Variants in RNF13 observed in about 807,000 individuals in gnomAD.
RNF13 encodes ring finger protein 13, also known as E3 ubiquitin-protein ligase RNF13.
In RNF13, 19 loss-of-function variants were observed where a neutral mutation model predicts 37.7. The observed-to-expected ratio is 0.50, with a 90% CI of 0.35 to 0.74. The LOEUF is 0.74. RNF13 is among the 30% of genes least tolerant of loss of function. RNF13 has a pLI of 0.01. For missense variants in RNF13, 375 were observed against 453.0 expected (o/e 0.83, Z 1.56); for synonymous variants, 144 against 157.8 (o/e 0.91, Z 0.65).
At chr3:149,865,149 T>G (rs577841623) in intron 3 of RNF13, among the ~76,000 whole-genome samples, 123 of 151,860 alleles carry the variant, frequency 8.1e-4, no homozygotes, top group Admixed American at 1.6e-3. Context: ...TGGAGTATAT[T>G]TCTCCTTAAC....
chr3:149,867,842 A>G, intron 3 of RNF13, among the ~76,000 whole-genome samples: 1 of 151,554 alleles, frequency 6.6e-6, no homozygotes, highest in East Asian at 1.9e-4. Flanking sequence ...TTTGTATTGT[A>G]ATTTTTCTCT....
intron 8 of RNF13, among the ~76,000 whole-genome samples, chr3:149,948,848 G>C (rs1265883209): frequency 6.6e-6 from 1 of 152,162 alleles, no homozygotes; most frequent in Non-Finnish European, 1.5e-5. Flanking sequence ...GCAAAATGGT[G>C]AAACCTCATC....
At position 149,961,993 on chromosome 3, in the gene RNF13, A is replaced by G. The variant is rs928673999; in HGVS notation, c.*889A>G. 2 of 152,660 alleles carry G rather than the reference A, an allele frequency of 1.3e-5. No homozygotes were observed. Among genetic ancestry groups the G allele is most frequent in the Non-Finnish European group, 2.9e-5 (2 of 68,028 alleles). 9.5% of individuals were successfully genotyped at this position (152,660 alleles called of 1,614,324 possible). ...AACTAATGATGTATTGAAACACTGTATTATGAAAAGCTAAATTATACATCA... is the reference window on the plus strand; with the variant it reads ...AACTAATGATGTATTGAAACACTGTGTTATGAAAAGCTAAATTATACATCA... On this transcript the variant is annotated 3_prime_UTR_variant, in exon 10 of 10. Transcript: ENST00000392894.
At chr3:149,938,487 ATT>A (rs112240963) in intron 8 of RNF13, among the ~76,000 whole-genome samples, 14 of 139,420 alleles carry the variant, frequency 1.0e-4, no homozygotes, top group East Asian at 2.1e-4. Context: ...TGTTATTATT[ATT>A]TTTTTTTTTT....
chr3:149,882,393 GTTTAC>G (rs761956680), intron 4 of RNF13, among the ~76,000 whole-genome samples: 24 of 152,200 alleles, frequency 1.6e-4, no homozygotes, highest in Non-Finnish European at 2.9e-4. Context: ...CTTAGTTGCA[GTTTAC>G]TTTAAACAAC....
intron 3 of RNF13, among the ~76,000 whole-genome samples, chr3:149,853,254 A>G (rs1359459575): frequency 6.6e-6 from 1 of 152,118 alleles, no homozygotes; most frequent in Non-Finnish European, 1.5e-5. Flanking sequence ...TGTGGCATGA[A>G]TGTTTAAAGT....
At chr3:149,878,018 A>C (rs1439462121) in intron 4 of RNF13, among the ~76,000 whole-genome samples, 1 of 152,230 alleles carries the variant, frequency 6.6e-6, no homozygotes, top group Non-Finnish European at 1.5e-5. Flanking sequence ...CCAGGAAGGT[A>C]ATCTTTCATG....
chr3:149,894,181 A>C (rs1352125339), intron 4 of RNF13, among the ~76,000 whole-genome samples: 1 of 152,146 alleles, frequency 6.6e-6, no homozygotes, highest in African/African-American at 2.4e-5. Flanking sequence ...GTAATAGGAT[A>C]ATATTATTCT....
rs1717928624 is a variant in RNF13 at position 149,919,736 on chromosome 3, A to T, written c.607-1398A>T. ...ATTTGTTGTATGGAAATATGCTTTC[A>T]TTTCTATTGGGTAAGTATATCTAGG... On this transcript the variant is annotated intron_variant, in intron 7 of 9. Coordinates refer to ENST00000392894, the MANE Select transcript of RNF13 (RefSeq NM_183381.3). Among the ~76,000 whole-genome samples the T allele has an allele frequency of 2.0e-5, 3 of 152,182 alleles. 1 individual carries two copies. In the South Asian group the frequency reaches 6.2e-4, roughly 32 times the overall value.
chr3:149,917,726 T>G (rs1214028226), intron 7 of RNF13, among the ~76,000 whole-genome samples: 2 of 152,240 alleles, frequency 1.3e-5, no homozygotes, highest in African/African-American at 4.8e-5. Flanking sequence ...CTTTGGTTAT[T>G]TTCAAAAACC....
chr3:149,879,307 ATTT>A (rs3028508), intron 4 of RNF13, among the ~76,000 whole-genome samples: 1 of 137,404 alleles, frequency 7.3e-6, no homozygotes, highest in Non-Finnish European at 1.5e-5. Context: ...TTATCAGGTA[ATTT>A]TTTTTTTTTT....
chr3:149,897,595 C>T (rs1434828564), intron 5 of RNF13, among the ~76,000 whole-genome samples: 1 of 152,140 alleles, frequency 6.6e-6, no homozygotes, highest in Non-Finnish European at 1.5e-5. Flanking sequence ...TGGTTCTTGA[C>T]TTTGTTGCTT....
At chr3:149,816,154 C>A (rs1461314007) in intron 1 of RNF13, among the ~76,000 whole-genome samples, 1 of 151,442 alleles carries the variant, frequency 6.6e-6, no homozygotes, top group East Asian at 1.9e-4. Flanking sequence ...CCTGCTTCAG[C>A]CTTCCAAAAT....
chr3:149,934,656 C>A (rs1228017900), intron 8 of RNF13, among the ~76,000 whole-genome samples: 1 of 147,488 alleles, frequency 6.8e-6, no homozygotes, highest in African/African-American at 2.5e-5. Flanking sequence ...TTTCAAAGTT[C>A]CTTTTTTTTT....
At chr3:149,946,103 A>G (rs1362858083) in intron 8 of RNF13, among the ~76,000 whole-genome samples, 1 of 152,230 alleles carries the variant, frequency 6.6e-6, no homozygotes, top group East Asian at 1.9e-4. Context: ...AAGGCTTCAG[A>G]CGATCAAATT....
intron 9 of RNF13, 30 bp downstream of exon 9, chr3:149,960,166 T>C: frequency 7.3e-7 from 1 of 1,366,808 alleles, no homozygotes; most frequent in Non-Finnish European, 1.0e-6. Context: ...GCTTTGAATT[T>C]ACATATAGTA....
chr3:149,904,057 AC>A (rs1009946136), intron 6 of RNF13, among the ~76,000 whole-genome samples: 10 of 151,804 alleles, frequency 6.6e-5, no homozygotes, highest in Admixed American at 6.6e-4. Flanking sequence ...CACCTACTTT[AC>A]CCTCAAGCCC....
intron 8 of RNF13, among the ~76,000 whole-genome samples, chr3:149,926,719 T>C (rs1219118379): frequency 2.6e-5 from 4 of 152,212 alleles, no homozygotes; most frequent in Admixed American, 6.5e-5. Context: ...GAAAATACAC[T>C]GTTCTGCAGT....
chr3:149,862,870 A>T (rs1724412798), intron 3 of RNF13, among the ~76,000 whole-genome samples: 1 of 152,210 alleles, frequency 6.6e-6, no homozygotes, highest in Admixed American at 6.5e-5. Context: ...ATGTCCAGCC[A>T]CTTTGATGAG....
Sources: gnomAD v4.1 joint callset for allele counts (sites outside exome capture counted in the v4.1 genomes callset) on GRCh38, gnomAD v4.1.1 for gene constraint, MANE v1.5 for transcripts, NCBI Gene and HGNC (gene_info 2026-07-23, HGNC 2026-07-21) for gene names.